METAP1D: variants seen among roughly 807,000 people sequenced by gnomAD.
The protein encoded by METAP1D is methionine aminopeptidase 1D, mitochondrial.
METAP1D carries 31 observed loss-of-function variants against 40.5 expected under a neutral mutation model. The observed-to-expected ratio is 0.77, with a 90% CI of 0.58 to 1.03. METAP1D has a LOEUF of 1.03. METAP1D is among the 50% of genes least tolerant of loss of function. The pLI is 0.00. For missense variants in METAP1D, 411 were observed against 420.7 expected (o/e 0.98, Z 0.20); for synonymous variants, 151 against 146.4 (o/e 1.03, Z -0.22).
At chr2:172,064,965 TTTTAG>T (rs1690216334) in intron 3 of METAP1D, among the ~76,000 whole-genome samples, 1 of 152,232 alleles carries the variant, frequency 6.6e-6, no homozygotes, top group Non-Finnish European at 1.5e-5. Flanking sequence ...TTCAGTTTTC[TTTTAG>T]TTTGGGAGCA....
intron 2 of METAP1D, among the ~76,000 whole-genome samples, chr2:172,063,192 G>A (rs556476286): frequency 5.9e-5 from 9 of 152,296 alleles, no homozygotes; most frequent in Non-Finnish European, 1.0e-4. Context: ...GTGTAAGTAC[G>A]GTTGCAAAAT....
chr2:172,080,402 C>G lies in METAP1D; in HGVS notation c.1004C>G (p.Ala335Gly), dbSNP rs1385605997. ...ATCCTGACCAAACTACCCCATGAGG[C>G]CTGAGGAGCCGCCCGAAGGTCGCGG... Reference protein sequence around the residue: ...AQILTKLPHEA With the variant: ...AQILTKLPHEG Residue 335 changes from alanine (A) to glycine (G), a missense_variant, in exon 10 of 10, where the codon GCC becomes GGC. Ala to Gly is a moderately conservative substitution (Grantham distance 60). Transcript: ENST00000315796. 2.5e-6 allele frequency: 4 copies of G among 1,613,860 alleles called. No individual in the cohort carries two copies. Among genetic ancestry groups the G allele is most frequent in the Admixed American group, 1.7e-5 (1 of 60,010 alleles).
chr2:172,013,059 T>C (rs188385159), intron 1 of METAP1D, among the ~76,000 whole-genome samples: 236 of 152,334 alleles, frequency 1.5e-3, no homozygotes, highest in Non-Finnish European at 2.8e-3. Context: ...GGATTTAGCC[T>C]AGTTTACAAG....
At position 172,065,626 on chromosome 2, in the gene METAP1D, T is replaced by C. The variant is rs762175091; in HGVS notation, c.371T>C (p.Ile124Thr). The C allele has an allele frequency of 1.9e-6, 3 of 1,613,716 alleles. No individual in the cohort carries two copies. Among genetic ancestry groups the C allele is most frequent in the African/African-American group, 1.3e-5 (1 of 74,930 alleles). Residue 124 changes from isoleucine to threonine, a missense_variant, in exon 4 of 10, where the codon ATA becomes ACA. Ile to Thr is a moderately conservative substitution (Grantham distance 89). Coordinates refer to ENST00000315796, the MANE Select transcript of METAP1D (RefSeq NM_199227.3). ...SLKVDMTTEEIDALVHREIIS... is the reference protein window; with the variant it reads ...SLKVDMTTEETDALVHREIIS... ...TAGGTTGACATGACAACTGAAGAGA[T>C]AGATGCTCTTGTTCATCGGGAAATC...
intron 1 of METAP1D, among the ~76,000 whole-genome samples, chr2:172,017,363 GTA>G (rs532942162): frequency 6.8e-6 from 1 of 146,588 alleles, no homozygotes; most frequent in Admixed American, 6.8e-5. Flanking sequence ...AGGTATATAT[GTA>G]TATATATGTG....
rs1267358491 is a variant in METAP1D at position 172,043,551 on chromosome 2, CTT to C, written c.41-17946_41-17945del. 9.0e-5 allele frequency among the ~76,000 whole-genome samples: 12 copies of C among 134,056 alleles called. 2 individuals are homozygous for C. The South Asian group carries it at 1.4e-3, about 16-fold the overall frequency. The allele number at this position is 134,056 out of a possible 152,430, so 87.9% of individuals were successfully genotyped here. Reference sequence around the variant, plus strand: ...GACTATTATACTTCAATTTTTAAAACTTAAGTTTTTTAAAGAAAAGTACGTTT... The same window carrying C: ...GACTATTATACTTCAATTTTTAAAACAAGTTTTTTAAAGAAAAGTACGTTT... On this transcript the variant is annotated intron_variant, in intron 1 of 9. Coordinates refer to ENST00000315796, the MANE Select transcript of METAP1D (RefSeq NM_199227.3).
rs1690635448 is a variant in METAP1D, at chr2:172,079,212, C to T, written c.803-3C>T. Reference sequence around the variant, plus strand: ...CTCACCCCCCATGTTTTTTGTTTTGCAGCAAACGACAGTGATCTACCCATG... The same window carrying T: ...CTCACCCCCCATGTTTTTTGTTTTGTAGCAAACGACAGTGATCTACCCATG... On this transcript the variant is annotated splice_region_variant and splice_polypyrimidine_tract_variant and intron_variant, in intron 7 of 9. Transcript: ENST00000315796. 1 of 1,613,180 alleles carries T rather than the reference C, an allele frequency of 6.2e-7. No homozygotes were observed. Among genetic ancestry groups the T allele is most frequent in the Non-Finnish European group, 8.5e-7 (1 of 1,179,780 alleles).
At chr2:172,000,101 C>CT in intron 1 of METAP1D, 92 bp downstream of exon 1, 1 of 1,145,134 alleles carries the variant, frequency 8.7e-7, no homozygotes, top group Non-Finnish European at 1.1e-6. Context: ...CGCGCTCAGA[C>CT]TTCTCGGCGC....
chr2:172,052,965 G>A (rs1038029676), intron 1 of METAP1D, among the ~76,000 whole-genome samples: 1 of 152,152 alleles, frequency 6.6e-6, no homozygotes, highest in Non-Finnish European at 1.5e-5. Context: ...CTCATGAAAT[G>A]TGAGCTTCTC....
At chr2:172,061,403 G>A in intron 1 of METAP1D, 95 bp from the exon 2 acceptor site, 2 of 1,110,016 alleles carry the variant, frequency 1.8e-6, no homozygotes, top group Non-Finnish European at 2.5e-6. Context: ...TAAGGTATTA[G>A]AATAATGATT....
chr2:172,030,092 TTA>T (rs1162108054), intron 1 of METAP1D, among the ~76,000 whole-genome samples: 7 of 149,616 alleles, frequency 4.7e-5, no homozygotes, highest in South Asian at 2.1e-4. Flanking sequence ...ATTTATTTAT[TTA>T]TTTATTTTTT....
In METAP1D at chr2:172,032,787, G is replaced by A. The variant is rs1162202482; in HGVS notation, c.41-28711G>A. Reference sequence around the variant, plus strand: ...CCAAAAAAATTGAACTTGAGGCCGGGCGTGGTGGCTCACGCCTGTAATCCC... The same window carrying A: ...CCAAAAAAATTGAACTTGAGGCCGGACGTGGTGGCTCACGCCTGTAATCCC... On this transcript the variant is annotated intron_variant, in intron 1 of 9. Transcript: ENST00000315796. Among the ~76,000 whole-genome samples, 3 of 152,218 alleles carry A rather than the reference G, an allele frequency of 2.0e-5. No homozygotes were observed. The East Asian group carries it at 5.8e-4, about 29-fold the overall frequency.
chr2:172,035,624 G>A (rs1284275798), intron 1 of METAP1D, among the ~76,000 whole-genome samples: 2 of 151,834 alleles, frequency 1.3e-5, no homozygotes, highest in Non-Finnish European at 2.9e-5. Context: ...TACCACTTGT[G>A]TATAGATTCC....
rs61596658 is a variant in METAP1D at position 172,024,748 on chromosome 2, TTGTGTG to T, written c.40+24775_40+24780del. ...AGCCTCCTTTTTAAAGACATATAGA[TTGTGTG>T]TGTGTGTGTGTGTGTGTGTGTGTGT... On this transcript the variant is annotated intron_variant, in intron 1 of 9. Transcript: ENST00000315796. Among the ~76,000 whole-genome samples, 558 of 66,652 alleles carry T rather than the reference TTGTGTG, an allele frequency of 8.4e-3. 3 individuals carry two copies. The highest frequency in any genetic ancestry group is 0.01 in the Non-Finnish European group (242 of 23,318). The allele number at this position is 66,652 out of a possible 152,430, so 43.7% of individuals were successfully genotyped here.
At chr2:172,078,138 G>A (rs1690594092) in intron 7 of METAP1D, among the ~76,000 whole-genome samples, 1 of 152,168 alleles carries the variant, frequency 6.6e-6, no homozygotes, top group African/African-American at 2.4e-5. Context: ...GTCTTCTCCT[G>A]AAGGGTGCAT....
chr2:172,033,807 TATG>T (rs977488113), intron 1 of METAP1D, among the ~76,000 whole-genome samples: 1 of 151,160 alleles, frequency 6.6e-6, no homozygotes, highest in Non-Finnish European at 1.5e-5. Flanking sequence ...ACAGGCCGGG[TATG>T]GTGGCTCACG....
At chr2:172,028,936 T>C (rs1689181069) in intron 1 of METAP1D, among the ~76,000 whole-genome samples, 1 of 152,222 alleles carries the variant, frequency 6.6e-6, no homozygotes, top group African/African-American at 2.4e-5. Flanking sequence ...TGTTAAAGCA[T>C]CTTTACACAC....
At chr2:172,036,317 A>C (rs1377646955) in intron 1 of METAP1D, among the ~76,000 whole-genome samples, 3 of 108,562 alleles carry the variant, frequency 2.8e-5, no homozygotes, top group Admixed American at 9.5e-5. Context: ...ACTCTGTCTC[A>C]AGAAAAAAAA....
chr2:172,005,315 A>G, intron 1 of METAP1D, among the ~76,000 whole-genome samples: 1 of 151,708 alleles, frequency 6.6e-6, no homozygotes. Context: ...TCACCCCTGC[A>G]TCCCTAGAGT....
Sources: allele counts gnomAD v4.1 joint callset (sites outside exome capture counted in the v4.1 genomes callset), GRCh38; gene constraint gnomAD v4.1.1; transcripts MANE v1.5; gene names NCBI Gene and HGNC (gene_info 2026-07-23, HGNC 2026-07-21).